Variants in NTNG1 observed in about 807,000 individuals in gnomAD.
NTNG1 encodes the protein netrin G1, also known as netrin-G1.
NTNG1 carries 16 observed loss-of-function variants against 54.0 expected under a neutral mutation model. That is an observed-to-expected ratio of 0.30 (90% CI 0.20 to 0.45). The LOEUF is 0.45. NTNG1 is among the 20% of genes least tolerant of loss of function. The probability of loss-of-function intolerance (pLI) is 1.00; values close to 1 mark genes in which losing one functional copy is unlikely to be tolerated. For synonymous variants in NTNG1, 255 were observed against 263.1 expected, an observed-to-expected ratio of 0.97 and a Z score of 0.30; for missense variants, 530 against 678.7, an observed-to-expected ratio of 0.78 and a Z score of 2.43.
chr1:107,377,329 G>T (rs953992769), intron 3 of NTNG1, among the ~76,000 whole-genome samples: 1 of 152,152 alleles, frequency 6.6e-6, no homozygotes, highest in African/African-American at 2.4e-5. Flanking sequence ...GCTCCCCACT[G>T]CCTGGCTCCA....
At chr1:107,406,903 G>A (rs1351734031) in intron 4 of NTNG1, among the ~76,000 whole-genome samples, 1 of 152,126 alleles carries the variant, frequency 6.6e-6, no homozygotes, top group Non-Finnish European at 1.5e-5. Flanking sequence ...TGGCTTCTGA[G>A]CCCAGACTAT....
At chr1:107,144,872 A>G (rs1653993572) in intron 1 of NTNG1, among the ~76,000 whole-genome samples, 1 of 151,976 alleles carries the variant, frequency 6.6e-6, no homozygotes, top group Non-Finnish European at 1.5e-5. Context: ...TTAGTTCCCA[A>G]GTAGAGGTGG....
intron 3 of NTNG1, among the ~76,000 whole-genome samples, chr1:107,385,837 G>GT (rs199598070): frequency 0.056 from 7,863 of 140,350 alleles, 261 homozygotes; most frequent in East Asian, 0.078. Context: ...TAAGAATTTT[G>GT]TTTTTTTTTT....
chr1:107,284,199 C>T (rs1342426170), intron 2 of NTNG1, among the ~76,000 whole-genome samples: 1 of 152,058 alleles, frequency 6.6e-6, no homozygotes, highest in Admixed American at 6.6e-5. Context: ...AATACCTAGT[C>T]ACTGAATAAA....
At chr1:107,309,395 A>G (rs1004893016) in intron 2 of NTNG1, among the ~76,000 whole-genome samples, 11 of 152,214 alleles carry the variant, frequency 7.2e-5, no homozygotes, top group African/African-American at 2.7e-4. Context: ...CAGCAGATAC[A>G]GCATTTAATT....
In NTNG1 at chr1:107,223,031, C is replaced by A. The variant is rs543490799; in HGVS notation, c.246+74192C>A. On this transcript the variant is annotated intron_variant, in intron 2 of 7. Coordinates refer to ENST00000370068, the MANE Select transcript of NTNG1 (RefSeq NM_001113226.3). ...CTAACTTTAGTGTGCTTTGGAATAA[C>A]CTGAGGAGGGTTTTAAGGGGCATGC... Among the ~76,000 whole-genome samples, 3 of 151,970 alleles carry A rather than the reference C, an allele frequency of 2.0e-5. No individual in the cohort carries two copies. In the East Asian group the frequency reaches 5.8e-4, roughly 30 times the overall value.
At chr1:107,361,372 T>TAC (rs1289276641) in intron 3 of NTNG1, among the ~76,000 whole-genome samples, 1,294 of 63,566 alleles carry the variant, frequency 0.02, 14 homozygotes, top group Non-Finnish European at 0.032. Context: ...TATATATATA[T>TAC]ACATATATAT....
intron 5 of NTNG1, among the ~76,000 whole-genome samples, chr1:107,429,003 T>G (rs1160330624): frequency 6.6e-6 from 1 of 152,068 alleles, no homozygotes; most frequent in East Asian, 1.9e-4. Flanking sequence ...CTTCTCCCAG[T>G]ACTCTCCCTC....
intron 3 of NTNG1, among the ~76,000 whole-genome samples, chr1:107,346,461 T>A (rs372019625): frequency 3.3e-4 from 50 of 152,260 alleles, no homozygotes; most frequent in African/African-American, 1.2e-3. Flanking sequence ...TGCCCCTTTC[T>A]AGGATGGCAG....
chr1:107,140,552 G>A (rs1288576093), upstream of NTNG1, among the ~76,000 whole-genome samples: 1 of 152,054 alleles, frequency 6.6e-6, no homozygotes, highest in East Asian at 1.9e-4. Context: ...TTTCTGACTT[G>A]AGTGGAGGAA....
intron 2 of NTNG1, among the ~76,000 whole-genome samples, chr1:107,212,496 C>G (rs983358597): frequency 1.3e-5 from 2 of 152,186 alleles, no homozygotes; most frequent in Non-Finnish European, 2.9e-5. Flanking sequence ...GCTCCAAAAT[C>G]TGTGCCCATT....
At chr1:107,376,446 C>G (rs962098827) in intron 3 of NTNG1, among the ~76,000 whole-genome samples, 2 of 151,164 alleles carry the variant, frequency 1.3e-5, no homozygotes, top group African/African-American at 2.4e-5. Flanking sequence ...AAAAAATTTG[C>G]TATTGTATTT....
intron 3 of NTNG1, among the ~76,000 whole-genome samples, chr1:107,329,714 G>A (rs576448439): frequency 2.6e-5 from 4 of 152,120 alleles, no homozygotes; most frequent in Admixed American, 2.0e-4. Context: ...ATTGAGGTTG[G>A]GCTTTACTGC....
At position 107,355,722 on chromosome 1, in the gene NTNG1, G is replaced by A. The variant is rs4440888; in HGVS notation, c.887+30800G>A. On this transcript the variant is annotated intron_variant, in intron 3 of 7. Coordinates refer to ENST00000370068, the MANE Select transcript of NTNG1 (RefSeq NM_001113226.3). Reference sequence around the variant, plus strand: ...CACACTAATTTGCCCTTTCTCATGAGGCCTTAACCTTTCTTGGGTTTCCTT... The same window carrying A: ...CACACTAATTTGCCCTTTCTCATGAAGCCTTAACCTTTCTTGGGTTTCCTT... 7.9e-3 allele frequency among the ~76,000 whole-genome samples: 1,200 copies of A among 152,170 alleles called. 27 individuals carry two copies. The highest frequency in any genetic ancestry group is 0.028 in the African/African-American group (1,151 of 41,518).
At chr1:107,331,068 G>T (rs1430201778) in intron 3 of NTNG1, among the ~76,000 whole-genome samples, 1 of 151,962 alleles carries the variant, frequency 6.6e-6, no homozygotes, top group Non-Finnish European at 1.5e-5. Flanking sequence ...GGCAGGTGTT[G>T]GTTAACCCCA....
rs368187889 is a variant in NTNG1 at position 107,273,693 on chromosome 1, T to G, written c.247-50589T>G. ...AACTTTGCAATGTGAATTATGTACTTCCTTATAATGATGTTATTTTTATAT... is the reference window on the plus strand; with the variant it reads ...AACTTTGCAATGTGAATTATGTACTGCCTTATAATGATGTTATTTTTATAT... On this transcript the variant is annotated intron_variant, in intron 2 of 7. Transcript: ENST00000370068. 1.0e-3 allele frequency among the ~76,000 whole-genome samples: 158 copies of G among 152,312 alleles called. 7 individuals are homozygous for G. The South Asian group carries it at 0.032, about 31-fold the overall frequency.
chr1:107,304,331 C>T (rs931710828), intron 2 of NTNG1, among the ~76,000 whole-genome samples: 3 of 151,676 alleles, frequency 2.0e-5, no homozygotes, highest in African/African-American at 4.8e-5. Flanking sequence ...CTAGAGTGGC[C>T]CAAATTATAT....
chr1:107,303,665 C>T (rs1373991517), intron 2 of NTNG1, among the ~76,000 whole-genome samples: 1 of 151,410 alleles, frequency 6.6e-6, no homozygotes, highest in Non-Finnish European at 1.5e-5. Flanking sequence ...TAACACTTCT[C>T]TAATGAGTGT....
At chr1:107,163,589 T>C (rs1047597853) in intron 2 of NTNG1, among the ~76,000 whole-genome samples, 8 of 152,122 alleles carry the variant, frequency 5.3e-5, no homozygotes, top group African/African-American at 1.9e-4. Flanking sequence ...AGGCTCCAAG[T>C]AAGGTATTTA....
Sources: allele counts gnomAD v4.1 joint callset (sites outside exome capture counted in the v4.1 genomes callset), GRCh38; gene constraint gnomAD v4.1.1; transcripts MANE v1.5; gene names NCBI Gene and HGNC (gene_info 2026-07-23, HGNC 2026-07-21).